OLFM4: variants seen among roughly 807,000 people sequenced by gnomAD.
OLFM4 encodes olfactomedin-4.
In OLFM4, 22 loss-of-function variants were observed where a neutral mutation model predicts 25.5. That is an observed-to-expected ratio of 0.86 (90% CI 0.62 to 1.23). The LOEUF is 1.23. Ranked by LOEUF, OLFM4 falls within the 50% of genes most tolerant of loss-of-function variation. The pLI, the probability that OLFM4 is intolerant of heterozygous loss-of-function variation, is 0.00. For missense variants in OLFM4, 594 were observed against 619.4 expected, an observed-to-expected ratio of 0.96 and a Z score of 0.44; for synonymous variants, 255 against 237.7, an observed-to-expected ratio of 1.07 and a Z score of -0.67.
In OLFM4 at chr13:53,043,274, C is replaced by A. The variant is rs375232179; in HGVS notation, c.730+10C>A. ...CCTCCTCCCACTCCAGGTAAGCATG[C>A]CAGTTTTTTTAACCACTTGTGCCAG... On this transcript the variant is annotated intron_variant, in intron 4 of 4. Transcript: ENST00000219022. 1.9e-6 allele frequency: 3 copies of A among 1,585,566 alleles called. No homozygotes were observed. The highest frequency in any genetic ancestry group is 1.8e-5 in the Admixed American group (1 of 54,486).
chr13:53,041,947 A>C lies in OLFM4; in HGVS notation c.395A>C (p.Lys132Thr). The C allele has an allele frequency of 6.2e-7, 1 of 1,613,976 alleles. No individual in the cohort carries two copies. Among genetic ancestry groups the C allele is most frequent in the Non-Finnish European group, 8.5e-7 (1 of 1,179,866 alleles). Residue 132 changes from lysine (K) to threonine (T), a missense_variant, in exon 3 of 5, where the codon AAG becomes ACG. Coordinates refer to ENST00000219022, the MANE Select transcript of OLFM4 (RefSeq NM_006418.5). ...GTCCAATTAATTAGTGTGTATGAAAAGAAACTGTTAAACCTAACTGTCCGA... is the reference window on the plus strand; with the variant it reads ...GTCCAATTAATTAGTGTGTATGAAACGAAACTGTTAAACCTAACTGTCCGA... ...EYVQLISVYE[K>T]KLLNLTVRID...
chr13:53,033,552 A>G (rs946920662), intron 1 of OLFM4, among the ~76,000 whole-genome samples: 2 of 152,224 alleles, frequency 1.3e-5, no homozygotes, highest in African/African-American at 2.4e-5. Flanking sequence ...TGACATTTTC[A>G]GATCACCTAC....
rs779842045 is a variant in OLFM4 at position 53,047,031 on chromosome 13, G to A, written c.731-2938G>A. On this transcript the variant is annotated intron_variant, in intron 4 of 4. Coordinates refer to ENST00000219022, the MANE Select transcript of OLFM4 (RefSeq NM_006418.5). ...AACACCAAATTATTTTTGCTTCCTT[G>A]GTAGTGGAGTAGGTAAAAGGGTACT... Among the ~76,000 whole-genome samples the A allele has an allele frequency of 4.6e-5, 7 of 152,288 alleles. No homozygotes were observed. In the South Asian group the frequency reaches 1.2e-3, roughly 27 times the overall value.
rs560318655 is a variant in OLFM4 at position 53,036,735 on chromosome 13, T to G, written c.357+2235T>G. ...AACAATAATAGTAGCAGTTTGTTTG[T>G]GCTTTTTCAAATGCTTCCAGTTCTA... On this transcript the variant is annotated intron_variant, in intron 2 of 4. Coordinates refer to ENST00000219022, the MANE Select transcript of OLFM4 (RefSeq NM_006418.5). Among the ~76,000 whole-genome samples the G allele has an allele frequency of 2.0e-5, 3 of 152,372 alleles. No individual in the cohort carries two copies. In the East Asian group the frequency reaches 5.8e-4, roughly 29 times the overall value.
At chr13:53,030,558 C>A (rs566582275) in intron 1 of OLFM4, among the ~76,000 whole-genome samples, 9 of 152,180 alleles carry the variant, frequency 5.9e-5, no homozygotes, top group African/African-American at 2.2e-4. Context: ...GCCTCAGCCT[C>A]CCAAAGTGCT....
chr13:53,038,525 T>G (rs1450270698), intron 2 of OLFM4, among the ~76,000 whole-genome samples: 1 of 152,214 alleles, frequency 6.6e-6, no homozygotes. Context: ...TAAGTTTTTG[T>G]GTGTGCATAT....
chr13:53,038,341 G>A (rs1954670247), intron 2 of OLFM4, among the ~76,000 whole-genome samples: 2 of 152,116 alleles, frequency 1.3e-5, no homozygotes, highest in Admixed American at 1.3e-4. Flanking sequence ...GACATGTTCT[G>A]ATAAATGCAT....
At chr13:53,043,446 A>T (rs1593481259) in intron 4 of OLFM4, among the ~76,000 whole-genome samples, 182 bp downstream of exon 4, 1 of 148,942 alleles carries the variant, frequency 6.7e-6, no homozygotes, top group Non-Finnish European at 1.5e-5. Flanking sequence ...AGTATTCTAC[A>T]TGCTATCATA....
At chr13:53,040,704 A>AC (rs1443759861) in intron 2 of OLFM4, among the ~76,000 whole-genome samples, 1 of 152,084 alleles carries the variant, frequency 6.6e-6, no homozygotes, top group Non-Finnish European at 1.5e-5. Context: ...TCACAGCACA[A>AC]CCCCCACAAG....
In OLFM4 at chr13:53,042,008, T is replaced by G. The variant is rs762803641; in HGVS notation, c.456T>G (p.Thr152=). The G allele has an allele frequency of 1.2e-6, 2 of 1,613,968 alleles. No homozygotes were observed. The highest frequency in any genetic ancestry group is 1.7e-6 in the Non-Finnish European group (2 of 1,179,882). ...TGGAGAAGGATACCATTTCTTACAC[T>G]GAACTGGACTTCGAGCTGATCAAGG... ...DIMEKDTISY[T]ELDFELIKVE... The change falls in exon 3 of 5, where the codon ACT becomes ACG. Residue 152 remains threonine, a synonymous_variant. Coordinates refer to ENST00000219022, the MANE Select transcript of OLFM4 (RefSeq NM_006418.5).
intron 4 of OLFM4, among the ~76,000 whole-genome samples, chr13:53,049,340 A>G (rs1021274458): frequency 1.3e-5 from 2 of 152,216 alleles, no homozygotes; most frequent in South Asian, 4.1e-4. Flanking sequence ...ATCTTTCTGG[A>G]TCTATAAAAT....
Position 53,041,894 on chromosome 13 carries a change from T to C in OLFM4, c.358-16T>C, listed in dbSNP as rs776767152. On this transcript the variant is annotated splice_polypyrimidine_tract_variant and intron_variant, in intron 2 of 4. Coordinates refer to ENST00000219022, the MANE Select transcript of OLFM4 (RefSeq NM_006418.5). Reference sequence around the variant, plus strand: ...CTACTCAGGGAATTGGCTTGAACCTTTTGATTTTCTTTCAGGTGAGGGAAT... The same window carrying C: ...CTACTCAGGGAATTGGCTTGAACCTCTTGATTTTCTTTCAGGTGAGGGAAT... 1 of 1,603,868 alleles carries C rather than the reference T, an allele frequency of 6.2e-7. No individual in the cohort carries two copies. Among genetic ancestry groups the C allele is most frequent in the Non-Finnish European group, 8.5e-7 (1 of 1,170,900 alleles).
chr13:53,039,353 A>G (rs1307666300), intron 2 of OLFM4, among the ~76,000 whole-genome samples: 1 of 152,204 alleles, frequency 6.6e-6, no homozygotes, highest in East Asian at 1.9e-4. Flanking sequence ...TGGCAGCCCT[A>G]TATCTGCAGT....
chr13:53,048,439 A>T (rs1432513525), intron 4 of OLFM4, among the ~76,000 whole-genome samples: 2 of 152,174 alleles, frequency 1.3e-5, no homozygotes, highest in African/African-American at 4.8e-5. Context: ...GCATTTAAGG[A>T]GCATATATTT....
intron 4 of OLFM4, among the ~76,000 whole-genome samples, chr13:53,045,793 C>T (rs145054157): frequency 2.0e-5 from 3 of 152,306 alleles, no homozygotes; most frequent in Non-Finnish European, 2.9e-5. Flanking sequence ...CTACAAACAA[C>T]GTCCTTTTTC....
intron 4 of OLFM4, among the ~76,000 whole-genome samples, chr13:53,045,719 C>A (rs546465260): frequency 1.8e-4 from 27 of 152,298 alleles, no homozygotes; most frequent in African/African-American, 5.5e-4. Context: ...CAGTGGTCAG[C>A]TTGAACTTAG....
rs113884562 is a variant in OLFM4, at chr13:53,050,264, G to A, written c.1026G>A (p.Met342Ile). 1.9e-5 allele frequency: 30 copies of A among 1,613,960 alleles called. No individual in the cohort carries two copies. Among genetic ancestry groups the A allele is most frequent in the African/African-American group, 2.7e-5 (2 of 74,912 alleles). Residue 342 changes from methionine to isoleucine, a missense_variant, in exon 5 of 5, where the codon ATG becomes ATA. Physicochemically the swap from Met to Ile is conservative, Grantham distance 10. Transcript: ENST00000219022. ...AVYNNNMYVN[M>I]YNTGNIARVN... ...ACAACAACAACATGTACGTCAACATGTACAACACCGGGAATATTGCCAGAG... is the reference window on the plus strand; with the variant it reads ...ACAACAACAACATGTACGTCAACATATACAACACCGGGAATATTGCCAGAG...
chr13:53,031,329 C>A (rs1954627874), intron 1 of OLFM4, among the ~76,000 whole-genome samples: 1 of 152,124 alleles, frequency 6.6e-6, no homozygotes, highest in Admixed American at 6.5e-5. Context: ...GAGTAAGTTC[C>A]AAACATATCA....
chr13:53,042,164 C>T, intron 3 of OLFM4, 42 bp downstream of exon 3: 1 of 1,545,186 alleles, frequency 6.5e-7, no homozygotes, highest in Non-Finnish European at 8.9e-7. Context: ...ATAATAAACT[C>T]CCTTCAGTGA....
Sources: allele counts gnomAD v4.1 joint callset (sites outside exome capture counted in the v4.1 genomes callset), GRCh38; gene constraint gnomAD v4.1.1; transcripts MANE v1.5; gene names NCBI Gene and HGNC (gene_info 2026-07-23, HGNC 2026-07-21).